TEX9: variants seen among roughly 807,000 people sequenced by gnomAD.
TEX9 encodes the protein testis expressed 9.
Under a neutral mutation model 59.6 loss-of-function variants are expected in TEX9, and 74 were observed. The observed-to-expected ratio is 1.24, with a 90% CI of 1.03 to 1.51. The LOEUF is 1.51. TEX9 is among the 40% of genes most tolerant of loss of function. TEX9 has a pLI of 0.00. For missense variants in TEX9, 522 were observed against 447.8 expected (o/e 1.17, Z -1.49); for synonymous variants, 186 against 152.2 (o/e 1.22, Z -1.64).
intron 4 of TEX9, among the ~76,000 whole-genome samples, chr15:56,387,098 A>G (rs1397098574): frequency 6.6e-6 from 1 of 151,870 alleles, no homozygotes; most frequent in Non-Finnish European, 1.5e-5. Flanking sequence ...AGCATGGTTT[A>G]CCATACAGTT....
At chr15:56,297,997 C>T (rs1463878493) in intron 1 of TEX9, among the ~76,000 whole-genome samples, 3 of 152,166 alleles carry the variant, frequency 2.0e-5, no homozygotes, top group Admixed American at 1.3e-4. Context: ...GTGTGCTTAT[C>T]TCTGATTAGG....
intron 10 of TEX9, among the ~76,000 whole-genome samples, chr15:56,426,587 G>GTATATA (rs1320230912): frequency 0.011 from 89 of 8,196 alleles, 6 homozygotes; most frequent in Non-Finnish European, 0.02. Context: ...TTTTGAAAAG[G>GTATATA]TGTATATATA....
chr15:56,297,205 T>C (rs1421835966), intron 1 of TEX9, among the ~76,000 whole-genome samples: 4 of 152,170 alleles, frequency 2.6e-5, no homozygotes, highest in Non-Finnish European at 4.4e-5. Flanking sequence ...ATATTGCATG[T>C]CATGAGGATA....
At chr15:56,267,437 C>G (rs939713246) in intron 1 of TEX9, among the ~76,000 whole-genome samples, 5 of 152,188 alleles carry the variant, frequency 3.3e-5, no homozygotes, top group African/African-American at 4.8e-5. Flanking sequence ...CCTAGGTTTT[C>G]TTCTAGGGAT....
At chr15:56,437,275 G>C (rs1274124681) in intron 12 of TEX9, among the ~76,000 whole-genome samples, 3 of 152,172 alleles carry the variant, frequency 2.0e-5, no homozygotes, top group Admixed American at 6.5e-5. Context: ...CCATGATCAA[G>C]TGGGCTTCAT....
At chr15:56,280,977 TA>T (rs1451927717) in intron 1 of TEX9, among the ~76,000 whole-genome samples, 3 of 152,198 alleles carry the variant, frequency 2.0e-5, no homozygotes, top group Non-Finnish European at 4.4e-5. Flanking sequence ...TTAATGAATT[TA>T]AGATTCTTTT....
intron 1 of TEX9, among the ~76,000 whole-genome samples, chr15:56,344,808 T>C (rs953599165): frequency 6.6e-6 from 1 of 151,972 alleles, no homozygotes; most frequent in Admixed American, 6.6e-5. Context: ...TTTTCTTCTT[T>C]TTTTAAAAAA....
chr15:56,359,991 C>G (rs2046761871), intron 1 of TEX9, among the ~76,000 whole-genome samples: 1 of 152,088 alleles, frequency 6.6e-6, no homozygotes, highest in Non-Finnish European at 1.5e-5. Flanking sequence ...TTTATATGAT[C>G]ATATAATTTT....
the TEX9 span, among the ~76,000 whole-genome samples, chr15:56,453,429 A>G: frequency 6.6e-6 from 1 of 152,062 alleles, no homozygotes; most frequent in East Asian, 1.9e-4. Flanking sequence ...TATCTCATCT[A>G]TTTTATGAAT....
intron 1 of TEX9, among the ~76,000 whole-genome samples, chr15:56,348,342 T>C (rs1165304221): frequency 6.6e-6 from 1 of 152,056 alleles, no homozygotes. Flanking sequence ...ATCAGGATAA[T>C]TGAGATTCCA....
chr15:56,271,612 A>T (rs187836499), intron 1 of TEX9, among the ~76,000 whole-genome samples: 2 of 152,162 alleles, frequency 1.3e-5, no homozygotes, highest in African/African-American at 4.8e-5. Flanking sequence ...TTTCCTGTTT[A>T]TCCCAGGAAA....
intron 12 of TEX9, among the ~76,000 whole-genome samples, chr15:56,445,099 A>C (rs7170307): frequency 0.39 from 59,954 of 151,896 alleles, 12,641 homozygotes; most frequent in Non-Finnish European, 0.47. Context: ...TCTTTCTTAC[A>C]GGTCTGCTAT....
At chr15:56,275,050 G>A (rs1191532272) in intron 1 of TEX9, among the ~76,000 whole-genome samples, 1 of 152,146 alleles carries the variant, frequency 6.6e-6, no homozygotes, top group Non-Finnish European at 1.5e-5. Flanking sequence ...ATTCCCTGTT[G>A]TCTTAGTTTA....
At chr15:56,443,727 C>T (rs1451114911) in intron 12 of TEX9, 2 of 1,613,220 alleles carry the variant, frequency 1.2e-6, no homozygotes, top group East Asian at 4.5e-5. Context: ...TTAGCAAACT[C>T]TATGATTTTT....
chr15:56,367,216 C>T (rs536485902), intron 2 of TEX9, among the ~76,000 whole-genome samples: 1 of 152,256 alleles, frequency 6.6e-6, no homozygotes, highest in East Asian at 1.9e-4. Flanking sequence ...GTTACTTGTT[C>T]TGTTATCTGT....
At chr15:56,363,832 T>C (rs780790759), upstream of TEX9, among the ~76,000 whole-genome samples, 11 of 149,644 alleles carry the variant, frequency 7.4e-5, no homozygotes, top group Non-Finnish European at 1.6e-4. Context: ...ACCCAGCTAA[T>C]TTTTATTTAT....
intron 1 of TEX9, among the ~76,000 whole-genome samples, chr15:56,302,925 C>T (rs1171761186): frequency 2.6e-5 from 4 of 152,152 alleles, no homozygotes; most frequent in South Asian, 2.1e-4. Context: ...TTACATCAGA[C>T]AAAATCTACT....
At chr15:56,278,041 A>G (rs2044718309) in intron 1 of TEX9, among the ~76,000 whole-genome samples, 1 of 151,968 alleles carries the variant, frequency 6.6e-6, no homozygotes, top group Admixed American at 6.6e-5. Context: ...TCATCCTTAA[A>G]ATCCTGATGC....
At chr15:56,329,421 G>A (rs1451009869) in intron 1 of TEX9, among the ~76,000 whole-genome samples, 1 of 152,090 alleles carries the variant, frequency 6.6e-6, no homozygotes, top group Non-Finnish European at 1.5e-5. Flanking sequence ...AAAACATAAT[G>A]ACACCAAACG....
Sources: allele counts gnomAD v4.1 joint callset (sites outside exome capture counted in the v4.1 genomes callset), GRCh38; gene constraint gnomAD v4.1.1; transcripts MANE v1.5; gene names NCBI Gene and HGNC (gene_info 2026-07-23, HGNC 2026-07-21).